KCNH7: variants seen among roughly 807,000 people sequenced by gnomAD.
KCNH7 encodes the protein voltage-gated inwardly rectifying potassium channel KCNH7.
Under a neutral mutation model 120.8 loss-of-function variants are expected in KCNH7, and 49 were observed. That is an observed-to-expected ratio of 0.41 (90% CI 0.32 to 0.51). The LOEUF is 0.51. KCNH7 is among the 20% of genes least tolerant of loss of function. The pLI is 0.38. For synonymous variants in KCNH7, 547 were observed against 516.1 expected (o/e 1.06, Z -0.81); for missense variants, 1,097 against 1,446.6 (o/e 0.76, Z 3.92).
chr2:162,648,748 T>G (rs190941962), intron 2 of KCNH7, among the ~76,000 whole-genome samples: 20 of 152,256 alleles, frequency 1.3e-4, no homozygotes, highest in South Asian at 1.2e-3. Flanking sequence ...TCTTAAATAT[T>G]TACTATCTAG....
At chr2:162,820,628 T>C (rs1685087907) in intron 2 of KCNH7, among the ~76,000 whole-genome samples, 1 of 152,210 alleles carries the variant, frequency 6.6e-6, no homozygotes, top group South Asian at 2.1e-4. Context: ...TCTTTCTTTC[T>C]TTCTTTTTCT....
intron 2 of KCNH7, among the ~76,000 whole-genome samples, chr2:162,691,912 G>A (rs545049194): frequency 1.3e-5 from 2 of 152,250 alleles, no homozygotes; most frequent in South Asian, 4.1e-4. Flanking sequence ...AAACATCAGT[G>A]TCCCTGAGGT....
At chr2:162,791,013 A>C (rs1298194056) in intron 2 of KCNH7, among the ~76,000 whole-genome samples, 2 of 152,144 alleles carry the variant, frequency 1.3e-5, no homozygotes, top group Admixed American at 6.6e-5. Context: ...CTTCATTTGA[A>C]GGGAAGAAGT....
intron 2 of KCNH7, among the ~76,000 whole-genome samples, chr2:162,726,262 A>G (rs555278111): frequency 6.6e-6 from 1 of 152,270 alleles, no homozygotes; most frequent in South Asian, 2.1e-4. Flanking sequence ...GCTGATGGTT[A>G]TCCTCAGATA....
At chr2:162,805,584 T>C (rs909359445) in intron 2 of KCNH7, among the ~76,000 whole-genome samples, 1 of 151,872 alleles carries the variant, frequency 6.6e-6, no homozygotes, top group African/African-American at 2.4e-5. Flanking sequence ...CAAAAAACAA[T>C]AGATGTTGGT....
intron 2 of KCNH7, among the ~76,000 whole-genome samples, chr2:162,632,555 A>C (rs1683812031): frequency 6.6e-6 from 1 of 151,936 alleles, no homozygotes; most frequent in African/African-American, 2.4e-5. Context: ...CAATATTAGA[A>C]AGAAACTTTC....
chr2:162,374,093 TTTC>T (rs1160206082), intron 14 of KCNH7, among the ~76,000 whole-genome samples: 1 of 152,342 alleles, frequency 6.6e-6, no homozygotes, highest in Non-Finnish European at 1.5e-5. Flanking sequence ...CCCAGGATAA[TTTC>T]TTATGTGTTT....
rs185074254 is a variant in KCNH7 at position 162,664,085 on chromosome 2, C to T, written c.308-127005G>A. On this transcript the variant is annotated intron_variant, in intron 2 of 15. Coordinates refer to ENST00000332142, the MANE Select transcript of KCNH7 (RefSeq NM_033272.4). ...CCTCTGTTTAGTTGCCATCTTTCCC[C>T]CTGATCTTCATTTCTTTCTCTTTCC... Among the ~76,000 whole-genome samples the T allele has an allele frequency of 1.5e-3, 223 of 152,180 alleles. 1 individual carries two copies. The highest frequency in any genetic ancestry group is 5.0e-3 in the African/African-American group (207 of 41,544).
Position 162,689,734 on chromosome 2 carries a change from G to A in KCNH7, c.307+146803C>T, listed in dbSNP as rs76194609. 3.5e-3 allele frequency among the ~76,000 whole-genome samples: 524 copies of A among 151,806 alleles called. 4 individuals carry two copies. Among genetic ancestry groups the A allele is most frequent in the African/African-American group, 0.012 (500 of 41,436 alleles). On this transcript the variant is annotated intron_variant, in intron 2 of 15. Coordinates refer to ENST00000332142, the MANE Select transcript of KCNH7 (RefSeq NM_033272.4). ...CAGATTTAACTGAACTTTGCATATC[G>A]TAGATATTGAGTTTTAGTTCTAGGC...
intron 6 of KCNH7, among the ~76,000 whole-genome samples, chr2:162,457,306 T>TA (rs1688997658): frequency 6.6e-6 from 1 of 152,058 alleles, no homozygotes; most frequent in Admixed American, 6.6e-5. Flanking sequence ...ATTGAACTAT[T>TA]ACGAGGATTT....
intron 2 of KCNH7, among the ~76,000 whole-genome samples, chr2:162,662,189 G>C (rs889435070): frequency 6.6e-6 from 1 of 152,128 alleles, no homozygotes; most frequent in Non-Finnish European, 1.5e-5. Context: ...CTTGAACCCA[G>C]GAGGTGGAGG....
At chr2:162,690,395 A>T (rs912520190) in intron 2 of KCNH7, among the ~76,000 whole-genome samples, 2 of 151,948 alleles carry the variant, frequency 1.3e-5, no homozygotes, top group African/African-American at 4.8e-5. Context: ...GTTAAAAAAA[A>T]GTTTTTAGTG....
At chr2:162,782,468 A>G (rs892281203) in intron 2 of KCNH7, among the ~76,000 whole-genome samples, 6 of 152,204 alleles carry the variant, frequency 3.9e-5, no homozygotes, top group African/African-American at 1.2e-4. Flanking sequence ...CACAGGCACT[A>G]CAGCAGAGCA....
At chr2:162,484,242 C>T (rs1342741686) in intron 6 of KCNH7, among the ~76,000 whole-genome samples, 1 of 150,850 alleles carries the variant, frequency 6.6e-6, no homozygotes, top group Non-Finnish European at 1.5e-5. Context: ...CACACACACA[C>T]ACACACAGAG....
chr2:162,637,946 A>G (rs570902049), intron 2 of KCNH7, among the ~76,000 whole-genome samples: 1 of 152,220 alleles, frequency 6.6e-6, no homozygotes, highest in Admixed American at 6.6e-5. Context: ...CAAAGGGGTT[A>G]CCATGATTGA....
At chr2:162,411,614 G>A (rs1176495590) in intron 9 of KCNH7, among the ~76,000 whole-genome samples, 2 of 151,764 alleles carry the variant, frequency 1.3e-5, no homozygotes, top group East Asian at 3.9e-4. Flanking sequence ...AAAAGTGGAA[G>A]AAAGAAAAAA....
rs934235194 is a variant in KCNH7, at chr2:162,824,840, C to CTA, written c.307+11695_307+11696dup. ...GCCATCAGTTTGCATCTCAGCAAAA[C>CTA]TATATATATATATGTAGAGAGAGAG... On this transcript the variant is annotated intron_variant, in intron 2 of 15. Transcript: ENST00000332142. Among the ~76,000 whole-genome samples the CTA allele has an allele frequency of 4.7e-5, 7 of 150,398 alleles. 1 individual carries two copies. The highest frequency in any genetic ancestry group is 4.2e-4 in the South Asian group (2 of 4,776).
chr2:162,775,227 T>G (rs931456243), intron 2 of KCNH7, among the ~76,000 whole-genome samples: 1 of 152,228 alleles, frequency 6.6e-6, no homozygotes, highest in African/African-American at 2.4e-5. Flanking sequence ...ATTGTGTTAG[T>G]CTGTGTTTCT....
chr2:162,597,710 C>A (rs148521585), intron 2 of KCNH7, among the ~76,000 whole-genome samples: 142 of 152,022 alleles, frequency 9.3e-4, no homozygotes, highest in African/African-American at 3.3e-3. Context: ...GTTCTCACTG[C>A]AAAGAAATGA....
Sources: allele counts gnomAD v4.1 joint callset (sites outside exome capture counted in the v4.1 genomes callset), GRCh38; gene constraint gnomAD v4.1.1; transcripts MANE v1.5; gene names NCBI Gene and HGNC (gene_info 2026-07-23, HGNC 2026-07-21).